Variants in DDAH1 observed in about 807,000 individuals in gnomAD.
DDAH1 encodes the protein N(G),N(G)-dimethylarginine dimethylaminohydrolase 1.
Under a neutral mutation model 28.8 loss-of-function variants are expected in DDAH1, and 19 were observed. The observed-to-expected ratio is 0.66, with a 90% CI of 0.46 to 0.97. The LOEUF is 0.97. Ranked by LOEUF, DDAH1 falls within the 50% of genes least tolerant of loss-of-function variation. The pLI is 0.00. For synonymous variants in DDAH1, 153 were observed against 154.4 expected (o/e 0.99, Z 0.07); for missense variants, 326 against 375.9 (o/e 0.87, Z 1.10).
At chr1:85,321,742 C>G (rs1412959859) in intron 5 of DDAH1, among the ~76,000 whole-genome samples, 174 bp from the exon 6 acceptor site, 1 of 152,202 alleles carries the variant, frequency 6.6e-6, no homozygotes, top group Non-Finnish European at 1.5e-5. Flanking sequence ...CTGGTGGGAA[C>G]TGGTTAACCA....
chr1:85,574,793 C>T (rs1215865578), intron 1 of DDAH1, among the ~76,000 whole-genome samples: 1 of 152,276 alleles, frequency 6.6e-6, no homozygotes, highest in East Asian at 1.9e-4. Context: ...TGCCTGTAAT[C>T]CCAGCACTTT....
At chr1:85,431,579 C>A (rs1390996668) in intron 1 of DDAH1, among the ~76,000 whole-genome samples, 4 of 151,852 alleles carry the variant, frequency 2.6e-5, no homozygotes, top group African/African-American at 9.7e-5. Flanking sequence ...CTACCCCCTC[C>A]TCTCTCCCTC....
At chr1:85,493,461 C>T (rs995208731) in intron 2 of DDAH1, 22 of 152,120 alleles carry the variant, frequency 1.4e-4, no homozygotes, top group African/African-American at 4.6e-4. Context: ...AAGTTTAGTA[C>T]TGTAAACAAA....
At position 85,350,590 on chromosome 1, in the gene DDAH1, G is replaced by A. The variant is rs1363627948; in HGVS notation, c.478-56C>T. ...AGTATTGCAGAATAATTCTAAAACT[G>A]ATTAAAAACCTCCCTGAAATACACC... On this transcript the variant is annotated intron_variant, in intron 3 of 5. Coordinates refer to ENST00000284031, the MANE Select transcript of DDAH1 (RefSeq NM_012137.4). 3.8e-6 allele frequency: 6 copies of A among 1,568,362 alleles called. No individual in the cohort carries two copies. In the African/African-American group the frequency reaches 5.5e-5, roughly 14 times the overall value.
intron 4 of DDAH1, among the ~76,000 whole-genome samples, chr1:85,349,756 G>A (rs1385049674): frequency 1.3e-5 from 2 of 152,254 alleles, no homozygotes; most frequent in East Asian, 1.9e-4. Context: ...ATCATCTCAC[G>A]GGGTTGAAGT....
chr1:85,332,768 C>T (rs1314474024), intron 4 of DDAH1, among the ~76,000 whole-genome samples: 2 of 152,136 alleles, frequency 1.3e-5, no homozygotes, highest in Admixed American at 1.3e-4. Flanking sequence ...GGGGGATTGC[C>T]TCACCTTGTC....
intron 1 of DDAH1, among the ~76,000 whole-genome samples, chr1:85,404,944 C>T (rs1652337326): frequency 6.6e-6 from 1 of 152,128 alleles, no homozygotes; most frequent in Non-Finnish European, 1.5e-5. Context: ...TTTTGTTTTG[C>T]TTCATTTTTG....
intron 1 of DDAH1, among the ~76,000 whole-genome samples, chr1:85,455,981 T>TC (rs1251252789): frequency 6.6e-6 from 1 of 152,128 alleles, no homozygotes; most frequent in African/African-American, 2.4e-5. Flanking sequence ...TTTATCAAAC[T>TC]CCAATTCCAT....
intron 1 of DDAH1, among the ~76,000 whole-genome samples, chr1:85,558,362 A>C (rs542006440): frequency 6.6e-6 from 1 of 152,336 alleles, no homozygotes; most frequent in South Asian, 2.1e-4. Flanking sequence ...ACTCTGTCAC[A>C]AAACAAACAA....
rs1661321357 is a variant in DDAH1 at position 85,321,171 on chromosome 1, T to A, written c.*281A>T. Reference sequence around the variant, plus strand: ...TCACACCAAAAATACAGACACTAAATGAGTGTTTCCTTACTGGGATTAATC... The same window carrying A: ...TCACACCAAAAATACAGACACTAAAAGAGTGTTTCCTTACTGGGATTAATC... On this transcript the variant is annotated 3_prime_UTR_variant, in exon 6 of 6. Coordinates refer to ENST00000284031, the MANE Select transcript of DDAH1 (RefSeq NM_012137.4). 3.4e-6 allele frequency: 1 copy of A among 289,858 alleles called. No homozygotes were observed. Among genetic ancestry groups the A allele is most frequent in the African/African-American group, 2.2e-5 (1 of 46,476 alleles). The allele number at this position is 289,858 out of a possible 1,614,324, so 18.0% of individuals were successfully genotyped here. A position where few individuals can be genotyped will look rare whatever the true frequency, so the allele number is the denominator to read the frequency against.
chr1:85,384,053 G>T (rs1651131307), intron 1 of DDAH1, among the ~76,000 whole-genome samples: 2 of 152,104 alleles, frequency 1.3e-5, no homozygotes, highest in Admixed American at 6.6e-5. Context: ...TAAAGTTTCT[G>T]GTATTAAGTA....
At chr1:85,544,960 A>G (rs115686210) in intron 1 of DDAH1, among the ~76,000 whole-genome samples, 1,792 of 152,316 alleles carry the variant, frequency 0.012, 39 homozygotes, top group African/African-American at 0.041. Context: ...GTACACAGTT[A>G]TAACTCAACA....
chr1:85,425,089 A>G (rs957915026), intron 1 of DDAH1, among the ~76,000 whole-genome samples: 8 of 152,032 alleles, frequency 5.3e-5, no homozygotes, highest in Non-Finnish European at 8.8e-5. Flanking sequence ...TTAAGCATTT[A>G]TTTGCAGTTC....
chr1:85,530,611 T>G (rs1349438575), intron 1 of DDAH1, among the ~76,000 whole-genome samples: 3 of 151,692 alleles, frequency 2.0e-5, no homozygotes, highest in Non-Finnish European at 2.9e-5. Flanking sequence ...TAAAGTGCAT[T>G]CTAAGCCATT....
At chr1:85,385,390 T>C (rs911198530) in intron 1 of DDAH1, among the ~76,000 whole-genome samples, 2 of 152,246 alleles carry the variant, frequency 1.3e-5, no homozygotes, top group African/African-American at 4.8e-5. Flanking sequence ...TACTAAATTA[T>C]AGCTTACTGA....
At chr1:85,443,150 A>C (rs1398478156) in intron 1 of DDAH1, among the ~76,000 whole-genome samples, 1 of 152,164 alleles carries the variant, frequency 6.6e-6, no homozygotes, top group African/African-American at 2.4e-5. Context: ...TAGGATTTTT[A>C]TGGTTTTAGG....
intron 4 of DDAH1, among the ~76,000 whole-genome samples, chr1:85,337,158 T>A (rs923867855): frequency 6.6e-6 from 1 of 152,170 alleles, no homozygotes; most frequent in Non-Finnish European, 1.5e-5. Flanking sequence ...AAAATCCTCA[T>A]TCTTGTTTCT....
chr1:85,537,352 A>AAT (rs1658323830), intron 1 of DDAH1, among the ~76,000 whole-genome samples: 1 of 150,608 alleles, frequency 6.6e-6, no homozygotes, highest in Admixed American at 6.6e-5. Flanking sequence ...TAATAATAAT[A>AAT]AAAAAAAATC....
chr1:85,550,934 T>C (rs1356187931), intron 1 of DDAH1, among the ~76,000 whole-genome samples: 1 of 152,098 alleles, frequency 6.6e-6, no homozygotes, highest in Non-Finnish European at 1.5e-5. Context: ...GAAAACATCT[T>C]CTCTACCCAA....
Sources: gnomAD v4.1 joint callset for allele counts (sites outside exome capture counted in the v4.1 genomes callset) on GRCh38, gnomAD v4.1.1 for gene constraint, MANE v1.5 for transcripts, NCBI Gene and HGNC (gene_info 2026-07-23, HGNC 2026-07-21) for gene names.